Variants in GRM5 observed in about 807,000 individuals in gnomAD.
GRM5 encodes the protein glutamate metabotropic receptor 5, also known as metabotropic glutamate receptor 5.
GRM5 carries 19 observed loss-of-function variants against 83.1 expected under a neutral mutation model. The observed-to-expected ratio is 0.23, with a 90% CI of 0.16 to 0.34. GRM5 has a LOEUF of 0.34. GRM5 is among the 10% of genes least tolerant of loss of function. The pLI is 1.00. For missense variants in GRM5, 1,160 were observed against 1,588.3 expected, an observed-to-expected ratio of 0.73 and a Z score of 4.58; for synonymous variants, 675 against 633.6, an observed-to-expected ratio of 1.07 and a Z score of -0.98.
intron 3 of GRM5, among the ~76,000 whole-genome samples, chr11:88,812,073 C>G (rs912060628): frequency 6.6e-6 from 1 of 152,140 alleles, no homozygotes; most frequent in Non-Finnish European, 1.5e-5. Context: ...GTTAATTTCC[C>G]TTGCTTCGGA....
At chr11:88,535,934 C>A (rs754785089) in intron 8 of GRM5, among the ~76,000 whole-genome samples, 2 of 151,892 alleles carry the variant, frequency 1.3e-5, no homozygotes, top group Non-Finnish European at 2.9e-5. Context: ...TTGTAAGGAG[C>A]AAAAAAGAGA....
chr11:89,000,437 C>T (rs1468402982), intron 2 of GRM5, among the ~76,000 whole-genome samples: 1 of 151,958 alleles, frequency 6.6e-6, no homozygotes, highest in Admixed American at 6.6e-5. Context: ...TGATTTTTGA[C>T]AAAGGTATTA....
intron 3 of GRM5, among the ~76,000 whole-genome samples, chr11:88,827,454 T>C (rs904113448): frequency 3.3e-5 from 5 of 152,234 alleles, no homozygotes; most frequent in Non-Finnish European, 7.3e-5. Flanking sequence ...GTTATGCTCT[T>C]CTTGCTATGT....
At chr11:88,512,717 A>G (rs1941411575) in intron 9 of GRM5, among the ~76,000 whole-genome samples, 1 of 152,192 alleles carries the variant, frequency 6.6e-6, no homozygotes, top group African/African-American at 2.4e-5. Flanking sequence ...TCATTTGGTT[A>G]AGGTTGTTTT....
At chr11:88,572,725 C>T (rs1943028713) in intron 7 of GRM5, among the ~76,000 whole-genome samples, 1 of 151,998 alleles carries the variant, frequency 6.6e-6, no homozygotes, top group South Asian at 2.1e-4. Flanking sequence ...TTCCTAACTT[C>T]CTTATTTTCT....
At chr11:88,898,172 CCTTCT>C (rs1945262827) in intron 2 of GRM5, among the ~76,000 whole-genome samples, 1 of 151,894 alleles carries the variant, frequency 6.6e-6, no homozygotes, top group Non-Finnish European at 1.5e-5. Flanking sequence ...CTTCACATGA[CCTTCT>C]CTCTGTGTAT....
At chr11:88,830,839 G>A (rs1235973975) in intron 3 of GRM5, among the ~76,000 whole-genome samples, 1 of 152,146 alleles carries the variant, frequency 6.6e-6, no homozygotes. Context: ...CGTGCCTGGG[G>A]AGACCTCACA....
At chr11:88,722,038 C>A (rs992110572) in intron 3 of GRM5, among the ~76,000 whole-genome samples, 1 of 152,070 alleles carries the variant, frequency 6.6e-6, no homozygotes, top group African/African-American at 2.4e-5. Context: ...TTGGTCAATT[C>A]ACATTTCTAA....
At chr11:88,657,897 T>C (rs796191230) in intron 3 of GRM5, among the ~76,000 whole-genome samples, 2 of 152,318 alleles carry the variant, frequency 1.3e-5, no homozygotes, top group African/African-American at 4.8e-5. Context: ...TCACTGCAGA[T>C]GGCCTATAAC....
rs1941680456 is a variant in GRM5, at chr11:89,048,025, C to T, written c.-153G>A. ...TATTTTCTAAAGGACCATTTTGTCC[C>T]CATGTACCATTTAGTTAGATGATCC... On this transcript the variant is annotated 5_prime_UTR_variant, in exon 2 of 10. Coordinates refer to ENST00000305447, the MANE Select transcript of GRM5 (RefSeq NM_001143831.3). 3 of 614,442 alleles carry T rather than the reference C, an allele frequency of 4.9e-6. No homozygotes were observed. The South Asian group carries it at 6.0e-5, about 12-fold the overall frequency. 38.1% of individuals were successfully genotyped at this position (614,442 alleles called of 1,614,324 possible). A position where few individuals can be genotyped will look rare whatever the true frequency, so the allele number is the denominator to read the frequency against.
intron 1 of GRM5, among the ~76,000 whole-genome samples, chr11:89,052,616 A>C (rs1941784752): frequency 6.6e-6 from 1 of 152,168 alleles, no homozygotes; most frequent in East Asian, 1.9e-4. Flanking sequence ...AATCCTTATA[A>C]CAACTCTAAA....
rs565262853 is a variant in GRM5 at position 88,698,023 on chromosome 11, C to A, written c.912-44620G>T. ...GCTCTGCTAGCACAGTTAATCCATG[C>A]TATCATCATCTTTCATCAGGAAAAC... On this transcript the variant is annotated intron_variant, in intron 3 of 9. Transcript: ENST00000305447. Among the ~76,000 whole-genome samples the A allele has an allele frequency of 5.6e-4, 85 of 152,298 alleles. 1 individual carries two copies. The highest frequency in any genetic ancestry group is 2.0e-3 in the African/African-American group (83 of 41,564).
intron 4 of GRM5, among the ~76,000 whole-genome samples, chr11:88,650,580 T>C (rs1374845446): frequency 6.6e-6 from 1 of 151,952 alleles, no homozygotes; most frequent in Admixed American, 6.6e-5. Flanking sequence ...CTCTCATACA[T>C]GATAGGGAAG....
chr11:88,742,880 AC>A (rs757805732), intron 3 of GRM5, among the ~76,000 whole-genome samples: 4 of 151,842 alleles, frequency 2.6e-5, no homozygotes, highest in Non-Finnish European at 5.9e-5. Context: ...ACCATCTAAG[AC>A]CCCCTACCCC....
At chr11:88,853,690 GA>G (rs1944424356) in intron 2 of GRM5, among the ~76,000 whole-genome samples, 1 of 141,414 alleles carries the variant, frequency 7.1e-6, no homozygotes, top group Non-Finnish European at 1.5e-5. Flanking sequence ...TTGAAAATAT[GA>G]AAATATACAT....
chr11:88,778,070 C>G (rs1942896264), intron 3 of GRM5, among the ~76,000 whole-genome samples: 1 of 152,130 alleles, frequency 6.6e-6, no homozygotes. Context: ...GAGATGGAGT[C>G]TAGAGGCAGT....
In GRM5 at chr11:88,956,397, A is replaced by C. The variant is rs570524189; in HGVS notation, c.661+90815T>G. Among the ~76,000 whole-genome samples, 3 of 152,378 alleles carry C rather than the reference A, an allele frequency of 2.0e-5. No homozygotes were observed. In the South Asian group the frequency reaches 6.2e-4, roughly 32 times the overall value. On this transcript the variant is annotated intron_variant, in intron 2 of 9. Transcript: ENST00000305447. ...TCACTTATTCAAGAAATATTTATTAAGCATACATCATACGCTAGGCACTCT... is the reference window on the plus strand; with the variant it reads ...TCACTTATTCAAGAAATATTTATTACGCATACATCATACGCTAGGCACTCT...
chr11:88,535,087 T>C (rs931286919), intron 8 of GRM5, among the ~76,000 whole-genome samples: 4 of 152,198 alleles, frequency 2.6e-5, no homozygotes, highest in African/African-American at 9.7e-5. Context: ...GTCTCGGGTA[T>C]GTCTTTATCA....
chr11:88,820,969 A>G (rs1293586875), intron 3 of GRM5, among the ~76,000 whole-genome samples: 1 of 152,214 alleles, frequency 6.6e-6, no homozygotes, highest in Non-Finnish European at 1.5e-5. Context: ...GGAAAGAAAA[A>G]TTATTTTTAT....
Sources: gnomAD v4.1 joint callset for allele counts (sites outside exome capture counted in the v4.1 genomes callset) on GRCh38, gnomAD v4.1.1 for gene constraint, MANE v1.5 for transcripts, NCBI Gene and HGNC (gene_info 2026-07-23, HGNC 2026-07-21) for gene names.